The following GNG4 variants were observed in gnomAD, a reference collection of about 807,000 sequenced individuals.
The protein encoded by GNG4 is G protein subunit gamma 4.
A neutral mutation model predicts 5.8 loss-of-function variants in GNG4; 4 were observed. The ratio of observed to expected loss-of-function variants is 0.69; its 90% CI spans 0.34 to 1.57. GNG4 has a LOEUF of 1.57. GNG4 is among the 40% of genes most tolerant of loss of function. GNG4 has a pLI of 0.06. For missense variants in GNG4, 96 were observed against 95.1 expected, an observed-to-expected ratio of 1.01 and a Z score of -0.04; for synonymous variants, 29 against 32.9, an observed-to-expected ratio of 0.88 and a Z score of 0.41.
At chr1:235,581,446 G>A (rs7534416) in intron 3 of GNG4, among the ~76,000 whole-genome samples, 6,571 of 151,672 alleles carry the variant, frequency 0.043, 437 homozygotes, top group African/African-American at 0.15. Flanking sequence ...GAAGAATGGC[G>A]TGAACCCGGG....
At chr1:235,606,218 A>T (rs1382005648) in intron 1 of GNG4, among the ~76,000 whole-genome samples, 1 of 151,930 alleles carries the variant, frequency 6.6e-6, no homozygotes, top group Non-Finnish European at 1.5e-5. Context: ...CATCTCTATT[A>T]AAAAATACAA....
chr1:235,580,750 T>G (rs1038761890), intron 3 of GNG4, among the ~76,000 whole-genome samples: 5 of 146,356 alleles, frequency 3.4e-5, no homozygotes, highest in Non-Finnish European at 7.5e-5. Flanking sequence ...TTTTTTGTTT[T>G]TTTTTTTTTT....
chr1:235,622,519 G>C (rs1279043672), intron 1 of GNG4, among the ~76,000 whole-genome samples: 2 of 152,064 alleles, frequency 1.3e-5, no homozygotes, highest in Non-Finnish European at 2.9e-5. Flanking sequence ...TTTGAGACCA[G>C]CTGGGCCAAC....
At chr1:235,625,430 C>G (rs1023057234) in intron 1 of GNG4, among the ~76,000 whole-genome samples, 3 of 152,210 alleles carry the variant, frequency 2.0e-5, no homozygotes, top group Non-Finnish European at 4.4e-5. Flanking sequence ...AACACTGACA[C>G]ATCAATATCA....
In GNG4 at chr1:235,642,293, C is replaced by T. The variant is rs1374144878; in HGVS notation, c.-123+7369G>A. On this transcript the variant is annotated intron_variant, in intron 1 of 3. Transcript: ENST00000391854. The surrounding 1 kb of genome is among the most constrained non-coding windows in gnomAD (Gnocchi z 4.3). The stretch of plus-strand genomic sequence containing the variant: ...GTGAAGCAGGGCCAAGGCCAGCCCT[C>T]CGCCTCGAGGCCACTGGTGCTTGGG... Among the ~76,000 whole-genome samples the T allele has an allele frequency of 1.3e-5, 2 of 152,196 alleles. No individual in the cohort carries two copies. The highest frequency in any genetic ancestry group is 4.8e-5 in the African/African-American group (2 of 41,458).
intron 3 of GNG4, among the ~76,000 whole-genome samples, chr1:235,556,728 C>T (rs1241081973): frequency 2.7e-5 from 3 of 111,080 alleles, no homozygotes; most frequent in African/African-American, 1.2e-4. Context: ...TTAGATTTAT[C>T]GTACACTTTA....
Position 235,551,224 on chromosome 1 carries a change from C to T in GNG4, c.*885G>A, listed in dbSNP as rs1188932499. 6.6e-6 allele frequency: 1 copy of T among 152,344 alleles called. No individual in the cohort carries two copies. Among genetic ancestry groups the T allele is most frequent in the Non-Finnish European group, 1.5e-5 (1 of 68,142 alleles). The allele number at this position is 152,344 out of a possible 1,614,324, so 9.4% of individuals were successfully genotyped here. On this transcript the variant is annotated 3_prime_UTR_variant, in exon 4 of 4. Coordinates refer to ENST00000391854, the MANE Select transcript of GNG4 (RefSeq NM_001098722.2). ...CCACCACGGCCCACAGCCGGGGCGC[C>T]ACGGCCCCAGGAGGATATGCTAAGA...
chr1:235,640,025 G>A (rs531966326), intron 1 of GNG4, among the ~76,000 whole-genome samples: 18 of 152,274 alleles, frequency 1.2e-4, no homozygotes, highest in Admixed American at 4.6e-4. Context: ...GAGCAGTGAG[G>A]GGGTCTCTAG....
intron 1 of GNG4, among the ~76,000 whole-genome samples, chr1:235,635,295 G>A (rs1352958392): frequency 2.0e-5 from 3 of 152,016 alleles, no homozygotes; most frequent in Admixed American, 6.6e-5. Context: ...TCAGCAGTTC[G>A]AGACCAGCCT....
At chr1:235,597,053 G>A (rs1390006440) in intron 1 of GNG4, among the ~76,000 whole-genome samples, 1 of 152,052 alleles carries the variant, frequency 6.6e-6, no homozygotes, top group East Asian at 1.9e-4. Context: ...GTTTCTTACA[G>A]CCCATTCAAG....
At chr1:235,613,350 T>A (rs993639160) in intron 1 of GNG4, among the ~76,000 whole-genome samples, 1 of 152,200 alleles carries the variant, frequency 6.6e-6, no homozygotes, top group African/African-American at 2.4e-5. Context: ...CCCAAAGTTA[T>A]CTGTGTCCTA....
intron 1 of GNG4, among the ~76,000 whole-genome samples, chr1:235,634,570 A>G (rs1187999390): frequency 6.6e-6 from 1 of 152,210 alleles, no homozygotes; most frequent in Non-Finnish European, 1.5e-5. Context: ...TTTATAGCTT[A>G]TCTGTATTTT....
intron 3 of GNG4, among the ~76,000 whole-genome samples, chr1:235,564,882 C>T (rs927407410): frequency 1.3e-5 from 2 of 152,192 alleles, no homozygotes; most frequent in Admixed American, 6.5e-5. Flanking sequence ...GATGGGGTTT[C>T]ACCATGTTGG....
At chr1:235,568,281 C>T (rs181538486) in intron 3 of GNG4, among the ~76,000 whole-genome samples, 28 of 152,190 alleles carry the variant, frequency 1.8e-4, no homozygotes, top group Admixed American at 5.2e-4. Context: ...CCAAGTACAT[C>T]AAGCCCATCC....
chr1:235,572,936 A>G (rs1687382276), intron 3 of GNG4, among the ~76,000 whole-genome samples: 1 of 152,196 alleles, frequency 6.6e-6, no homozygotes, highest in Non-Finnish European at 1.5e-5. Flanking sequence ...TTAGGAATTT[A>G]TCTTAAAGAA....
At chr1:235,583,387 G>C (rs529438681) in intron 3 of GNG4, among the ~76,000 whole-genome samples, 24 of 152,340 alleles carry the variant, frequency 1.6e-4, no homozygotes. Flanking sequence ...ATCCGATGTT[G>C]TTGAACCTCA....
At chr1:235,621,247 T>A (rs11801457) in intron 1 of GNG4, among the ~76,000 whole-genome samples, 11 of 147,320 alleles carry the variant, frequency 7.5e-5, no homozygotes, top group East Asian at 5.8e-4. Context: ...AATTTTTTTT[T>A]AATTTTTCTT....
intron 1 of GNG4, among the ~76,000 whole-genome samples, chr1:235,647,278 T>C (rs919642863): frequency 5.9e-5 from 9 of 152,144 alleles, no homozygotes; most frequent in African/African-American, 2.2e-4. Flanking sequence ...CAAGATTAGA[T>C]AGCAGTATAT....
At chr1:235,616,597 C>T (rs907583586) in intron 1 of GNG4, among the ~76,000 whole-genome samples, 1 of 152,208 alleles carries the variant, frequency 6.6e-6, no homozygotes, top group Admixed American at 6.5e-5. Flanking sequence ...AACCAGTCTC[C>T]AGGTAGTACC....
Sources: gnomAD v4.1 joint callset for allele counts (sites outside exome capture counted in the v4.1 genomes callset) on GRCh38, gnomAD v4.1.1 for gene constraint, Gnocchi (gnomAD v3.1) non-coding constraint, MANE v1.5 for transcripts, NCBI Gene and HGNC (gene_info 2026-07-23, HGNC 2026-07-21) for gene names.